SPATA16: variants seen among roughly 807,000 people sequenced by gnomAD.
SPATA16 encodes the protein spermatogenesis associated 16.
SPATA16 carries 36 observed loss-of-function variants against 63.3 expected under a neutral mutation model. The observed-to-expected ratio is 0.57, with a 90% CI of 0.44 to 0.75. The LOEUF is 0.75. SPATA16 is among the 30% of genes least tolerant of loss of function. The pLI, the probability that SPATA16 is intolerant of heterozygous loss-of-function variation, is 0.00. For missense variants in SPATA16, 646 were observed against 679.3 expected, an observed-to-expected ratio of 0.95 and a Z score of 0.54; for synonymous variants, 203 against 216.7, an observed-to-expected ratio of 0.94 and a Z score of 0.56.
rs749110185 is a variant in SPATA16, at chr3:172,977,100, A to G, written c.849-48T>C. ...AAAAAAACAAAAACAAATGTATAGGACAGAAGGAAAACCATAACAGGCACT... is the reference window on the plus strand; with the variant it reads ...AAAAAAACAAAAACAAATGTATAGGGCAGAAGGAAAACCATAACAGGCACT... On this transcript the variant is annotated intron_variant, in intron 4 of 10. Coordinates refer to ENST00000351008, the MANE Select transcript of SPATA16 (RefSeq NM_031955.6). 6.0e-6 allele frequency: 9 copies of G among 1,487,634 alleles called. No homozygotes were observed. In the Admixed American group the frequency reaches 1.0e-4, roughly 17 times the overall value. 92.2% of individuals were successfully genotyped at this position (1,487,634 alleles called of 1,614,324 possible).
chr3:172,890,470 A>G (rs958190205), intron 10 of SPATA16, among the ~76,000 whole-genome samples: 22 of 152,196 alleles, frequency 1.4e-4, no homozygotes, highest in African/African-American at 4.8e-4. Flanking sequence ...ATATTGTATT[A>G]GCCTAACATT....
chr3:173,048,821 C>T (rs901166005), intron 3 of SPATA16, 128 bp downstream of exon 3: 62 of 1,224,466 alleles, frequency 5.1e-5, no homozygotes, highest in Non-Finnish European at 7.1e-5. Context: ...TGACATAAAA[C>T]AAGCAGTAAA....
At chr3:172,933,549 G>A (rs374206601) in intron 6 of SPATA16, among the ~76,000 whole-genome samples, 3 of 152,204 alleles carry the variant, frequency 2.0e-5, no homozygotes, top group South Asian at 2.1e-4. Flanking sequence ...CAAGAAGCTA[G>A]CACTTGAGGG....
chr3:172,955,685 T>C (rs1223303614), intron 6 of SPATA16, among the ~76,000 whole-genome samples: 1 of 152,084 alleles, frequency 6.6e-6, no homozygotes, highest in Non-Finnish European at 1.5e-5. Context: ...AGGACCTACA[T>C]TTAATGGTTT....
At chr3:172,914,636 G>A (rs1732439580) in intron 9 of SPATA16, among the ~76,000 whole-genome samples, 1 of 151,994 alleles carries the variant, frequency 6.6e-6, no homozygotes, top group South Asian at 2.1e-4. Flanking sequence ...CTTGTAAGTT[G>A]CAAAGTAAAA....
intron 5 of SPATA16, among the ~76,000 whole-genome samples, chr3:172,964,114 CA>C (rs1733852672): frequency 1.3e-5 from 2 of 152,138 alleles, no homozygotes; most frequent in Admixed American, 6.5e-5. Context: ...GAATATTCAT[CA>C]CTCACACCTA....
At position 173,051,257 on chromosome 3, in the gene SPATA16, T is replaced by C. The variant is rs573266813; in HGVS notation, c.613-2163A>G. 2.6e-3 allele frequency among the ~76,000 whole-genome samples: 390 copies of C among 152,254 alleles called. 1 individual carries two copies. Among genetic ancestry groups the C allele is most frequent in the African/African-American group, 8.1e-3 (335 of 41,556 alleles). ...TGGCTGTGTCTCCCAGGCTGGAGTG[T>C]AGTGGCGCGATCTCTCCTCACAGCA... On this transcript the variant is annotated intron_variant, in intron 2 of 10. Transcript: ENST00000351008.
At chr3:173,117,036 G>T (rs1474552826) in intron 2 of SPATA16, 84 bp downstream of exon 2, 17 of 1,327,936 alleles carry the variant, frequency 1.3e-5, no homozygotes, top group Non-Finnish European at 1.7e-5. Flanking sequence ...GCTTATTACA[G>T]TATGGCCAGA....
rs762334045 is a variant in SPATA16 at position 172,913,684 on chromosome 3, G to A, written c.1564C>T (p.Arg522Cys). The change falls in exon 10 of 11, where the codon CGT (arginine) becomes TGT (cysteine). Residue 522 changes from arginine to cysteine, a missense_variant. Coordinates refer to ENST00000351008, the MANE Select transcript of SPATA16 (RefSeq NM_031955.6). ...ACCTTTTGGATCATATTCCACACAC[G>A]TTCATTATTGTTTCTTCTTCCTTCA... ...TLEGRRNNNE[R>C]VWNMIQKVGQ... is the part of the protein sequence containing the mutation. 3.6e-5 allele frequency: 58 copies of A among 1,613,368 alleles called. No individual in the cohort carries two copies. The highest frequency in any genetic ancestry group is 1.6e-4 in the Middle Eastern group (1 of 6,078).
At chr3:172,910,997 T>G (rs1312591297) in intron 10 of SPATA16, among the ~76,000 whole-genome samples, 2 of 152,230 alleles carry the variant, frequency 1.3e-5, no homozygotes, top group Non-Finnish European at 2.9e-5. Context: ...GTGATAAATA[T>G]GGCTGGGACT....
intron 1 of SPATA16, among the ~76,000 whole-genome samples, chr3:173,138,292 C>T (rs899591574): frequency 1.3e-5 from 2 of 152,134 alleles, no homozygotes; most frequent in African/African-American, 4.8e-5. Flanking sequence ...GAAAGTTATT[C>T]TGGCAGAGAA....
At chr3:172,901,811 A>T (rs1732132508) in intron 10 of SPATA16, among the ~76,000 whole-genome samples, 1 of 152,124 alleles carries the variant, frequency 6.6e-6, no homozygotes, top group Non-Finnish European at 1.5e-5. Flanking sequence ...GGAATATCTT[A>T]TCACTGTTTC....
chr3:173,130,018 C>T (rs1187553204), intron 1 of SPATA16, among the ~76,000 whole-genome samples: 1 of 152,170 alleles, frequency 6.6e-6, no homozygotes, highest in Admixed American at 6.5e-5. Context: ...TTACATATCA[C>T]TGTAAAGTAT....
At chr3:172,997,575 CAG>C (rs1207100861) in intron 4 of SPATA16, among the ~76,000 whole-genome samples, 3 of 151,920 alleles carry the variant, frequency 2.0e-5, no homozygotes, top group African/African-American at 7.2e-5. Flanking sequence ...ATTTTCTTGA[CAG>C]TGTATTTTGC....
At chr3:172,933,529 C>G (rs565633448) in intron 6 of SPATA16, among the ~76,000 whole-genome samples, 1 of 152,258 alleles carries the variant, frequency 6.6e-6, no homozygotes, top group East Asian at 1.9e-4. Context: ...GAGAATGTTG[C>G]TATTATATTC....
intron 4 of SPATA16, 133 bp from the exon 5 acceptor site, chr3:172,977,185 G>T: frequency 1.3e-6 from 1 of 762,742 alleles, no homozygotes. Context: ...CTAATATTAA[G>T]CAAAACACAA....
intron 1 of SPATA16, among the ~76,000 whole-genome samples, chr3:173,122,772 G>A (rs576740081): frequency 6.6e-6 from 1 of 152,300 alleles, no homozygotes; most frequent in African/African-American, 2.4e-5. Flanking sequence ...TGGAGGTGGA[G>A]GATGAAAAGA....
intron 4 of SPATA16, among the ~76,000 whole-genome samples, chr3:172,979,317 A>AT (rs1472800357): frequency 1.3e-5 from 2 of 152,194 alleles, no homozygotes; most frequent in African/African-American, 4.8e-5. Flanking sequence ...TCAATCTGCT[A>AT]TTTTCTCTTC....
chr3:172,939,437 A>C (rs1277010060), intron 6 of SPATA16, among the ~76,000 whole-genome samples: 1 of 152,210 alleles, frequency 6.6e-6, no homozygotes, highest in East Asian at 1.9e-4. Context: ...CAGACTAATC[A>C]AAATAATTAT....
Sources: gnomAD v4.1 joint callset for allele counts (sites outside exome capture counted in the v4.1 genomes callset) on GRCh38, gnomAD v4.1.1 for gene constraint, MANE v1.5 for transcripts, NCBI Gene and HGNC (gene_info 2026-07-23, HGNC 2026-07-21) for gene names.